NICN1: variants seen among roughly 807,000 people sequenced by gnomAD.
NICN1 encodes nicolin 1, tubulin polyglutamylase complex subunit.
Under a neutral mutation model 26.3 loss-of-function variants are expected in NICN1, and 18 were observed. The observed-to-expected ratio is 0.68, with a 90% CI of 0.47 to 1.01. The LOEUF (loss-of-function observed/expected upper bound fraction) is 1.01. Ranked by LOEUF, NICN1 falls within the 50% of genes least tolerant of loss-of-function variation. The probability of loss-of-function intolerance (pLI) is 0.00; values close to 1 mark genes in which losing one functional copy is unlikely to be tolerated. For missense variants in NICN1, 239 were observed against 278.3 expected (o/e 0.86, Z 1.00); for synonymous variants, 109 against 111.0 (o/e 0.98, Z 0.11).
chr3:49,425,265 G>T, intron 4 of NICN1, 102 bp downstream of exon 4: 2 of 1,022,018 alleles, frequency 2.0e-6, no homozygotes, highest in Non-Finnish European at 3.0e-6. Context: ...ACACCCAAGG[G>T]CCCTGGGCCC....
chr3:49,427,512 G>A (rs1276491694), intron 1 of NICN1, among the ~76,000 whole-genome samples: 1 of 150,752 alleles, frequency 6.6e-6, no homozygotes, highest in Admixed American at 6.6e-5. Flanking sequence ...GCGTGGTGGC[G>A]CATGCCTGTA....
intron 4 of NICN1, 138 bp from the exon 5 acceptor site, chr3:49,425,191 A>G (rs1374397778): frequency 4.8e-6 from 4 of 825,156 alleles, no homozygotes; most frequent in East Asian, 5.3e-5. Flanking sequence ...ACATGAGGTT[A>G]GGGCCTGATG....
chr3:49,426,523 C>T (rs914564950), intron 1 of NICN1, 95 bp from the exon 2 acceptor site: 62 of 895,732 alleles, frequency 6.9e-5, no homozygotes, highest in Non-Finnish European at 1.0e-4. Context: ...CTTCTCCCCA[C>T]CTTTTCTTTT....
intron 1 of NICN1, among the ~76,000 whole-genome samples, chr3:49,427,575 G>A (rs1419604912): frequency 4.0e-5 from 6 of 150,698 alleles, no homozygotes; most frequent in Non-Finnish European, 7.4e-5. Flanking sequence ...CCCAGGAGGT[G>A]GAGGTTGCAG....
intron 1 of NICN1, among the ~76,000 whole-genome samples, chr3:49,428,595 C>T (rs574965117): frequency 6.6e-6 from 1 of 151,840 alleles, no homozygotes; most frequent in African/African-American, 2.4e-5. Flanking sequence ...GTGGTGCATG[C>T]CTGTAATCCC....
chr3:49,424,732 G>T lies in NICN1; in HGVS notation c.*101C>A, dbSNP rs2049156463. ...TGGCCCAGACAGAACAGGCATGCAG[G>T]CAACACTTGGAATGCACAGGAAATA... On this transcript the variant is annotated 3_prime_UTR_variant, in exon 6 of 6. Coordinates refer to ENST00000273598, the MANE Select transcript of NICN1 (RefSeq NM_032316.3). The T allele has an allele frequency of 7.4e-6, 7 of 944,520 alleles. No individual in the cohort carries two copies. The highest frequency in any genetic ancestry group is 1.2e-5 in the Non-Finnish European group (7 of 572,628). The allele number at this position is 944,520 out of a possible 1,614,324, so 58.5% of individuals were successfully genotyped here. A position where few individuals can be genotyped will look rare whatever the true frequency, so the allele number is the denominator to read the frequency against.
intron 1 of NICN1, among the ~76,000 whole-genome samples, chr3:49,428,679 C>T (rs1412334507): frequency 6.6e-6 from 1 of 150,888 alleles, no homozygotes; most frequent in Non-Finnish European, 1.5e-5. Flanking sequence ...CGAGATCGTG[C>T]CATTGCACTC....
At position 49,425,350 on chromosome 3, in the gene NICN1, C is replaced by T. The variant is rs1164770826; in HGVS notation, c.495+17G>A. The T allele has an allele frequency of 3.7e-6, 6 of 1,605,428 alleles. No homozygotes were observed. In the African/African-American group the frequency reaches 8.0e-5, roughly 21 times the overall value. ...AGAGCCATTCACACATGGTTCTTACCTAGGGTGAGGGCTTACCTCACGGAG... is the reference window on the plus strand; with the variant it reads ...AGAGCCATTCACACATGGTTCTTACTTAGGGTGAGGGCTTACCTCACGGAG... On this transcript the variant is annotated intron_variant, in intron 4 of 5. Coordinates refer to ENST00000273598, the MANE Select transcript of NICN1 (RefSeq NM_032316.3).
intron 1 of NICN1, among the ~76,000 whole-genome samples, chr3:49,428,720 CAA>C (rs1186104146): frequency 4.5e-4 from 27 of 60,548 alleles, no homozygotes; most frequent in Admixed American, 5.7e-4. Flanking sequence ...AACTCCGTCT[CAA>C]AAAAAAAAAA....
chr3:49,425,231 C>T (rs1278622317), intron 4 of NICN1, 136 bp downstream of exon 4: 5 of 853,848 alleles, frequency 5.9e-6, no homozygotes, highest in Non-Finnish European at 9.7e-6. Flanking sequence ...CCTCAAATCC[C>T]ACAGAATACC....
intron 1 of NICN1, 124 bp downstream of exon 1, chr3:49,428,984 T>TA (rs2049196615): frequency 4.6e-6 from 4 of 871,112 alleles, no homozygotes; most frequent in Non-Finnish European, 6.9e-6. Context: ...AATGATTAAC[T>TA]AATTTGCAAG....
At chr3:49,428,595 C>A (rs574965117) in intron 1 of NICN1, among the ~76,000 whole-genome samples, 1 of 151,958 alleles carries the variant, frequency 6.6e-6, no homozygotes, top group African/African-American at 2.4e-5. Flanking sequence ...GTGGTGCATG[C>A]CTGTAATCCC....
chr3:49,424,648 G>T lies in NICN1; in HGVS notation c.*185C>A. The T allele has an allele frequency of 1.6e-6, 1 of 630,522 alleles. No individual in the cohort carries two copies. 39.1% of individuals were successfully genotyped at this position (630,522 alleles called of 1,614,324 possible). On this transcript the variant is annotated 3_prime_UTR_variant, in exon 6 of 6. Transcript: ENST00000273598. ...CCAGGCGAAGACAGAGCACCCCCATGCCAGGAGCTCATGCTGAAGTAACAC... is the reference window on the plus strand; with the variant it reads ...CCAGGCGAAGACAGAGCACCCCCATTCCAGGAGCTCATGCTGAAGTAACAC...
chr3:49,429,268 C>G lies in NICN1; in HGVS notation c.-29G>C. Reference sequence around the variant, plus strand: ...GACAGCAGCCGCAACTAAGTGCAACCGCCGCTCTAGGCCCCCGACCACCAG... The same window carrying G: ...GACAGCAGCCGCAACTAAGTGCAACGGCCGCTCTAGGCCCCCGACCACCAG... On this transcript the variant is annotated 5_prime_UTR_variant, in exon 1 of 6. Coordinates refer to ENST00000273598, the MANE Select transcript of NICN1 (RefSeq NM_032316.3). 2 of 1,573,734 alleles carry G rather than the reference C, an allele frequency of 1.3e-6. No individual in the cohort carries two copies. Among genetic ancestry groups the G allele is most frequent in the Non-Finnish European group, 1.7e-6 (2 of 1,157,338 alleles).
rs1456019047 is a variant in NICN1 at position 49,422,474 on chromosome 3, G to A, written c.*2359C>T. On this transcript the variant is annotated 3_prime_UTR_variant, in exon 6 of 6. Coordinates refer to ENST00000273598, the MANE Select transcript of NICN1 (RefSeq NM_032316.3). ...ATCGTCGCCTGCAACGAGTGCAGACGGCGCACAGAGGCCACCACACTGCCA... is the reference window on the plus strand; with the variant it reads ...ATCGTCGCCTGCAACGAGTGCAGACAGCGCACAGAGGCCACCACACTGCCA... 3.7e-6 allele frequency: 6 copies of A among 1,607,788 alleles called. No individual in the cohort carries two copies. Among genetic ancestry groups the A allele is most frequent in the East Asian group, 2.2e-5 (1 of 44,766 alleles).
intron 1 of NICN1, 116 bp from the exon 2 acceptor site, chr3:49,426,544 T>TG: frequency 1.3e-6 from 1 of 789,004 alleles, no homozygotes; most frequent in Non-Finnish European, 2.0e-6. Flanking sequence ...TTTTTTTTTT[T>TG]TGAGAGGAAA....
At position 49,429,089 on chromosome 3, in the gene NICN1, G is replaced by A. The variant is rs896735323; in HGVS notation, c.132+19C>T. 66 of 1,565,532 alleles carry A rather than the reference G, an allele frequency of 4.2e-5. No individual in the cohort carries two copies. The East Asian group carries it at 1.6e-3, about 38-fold the overall frequency. ...GGCCCCGCCCGGGAGCCTCGGTCGC[G>A]CCCACCAGGCTTGCTCACCTCGAAG... On this transcript the variant is annotated intron_variant, in intron 1 of 5. Coordinates refer to ENST00000273598, the MANE Select transcript of NICN1 (RefSeq NM_032316.3).
In NICN1 at chr3:49,429,285, G is replaced by A. The variant is rs1210091802; in HGVS notation, c.-46C>T. On this transcript the variant is annotated 5_prime_UTR_variant, in exon 1 of 6. Transcript: ENST00000273598. ...AGTGCAACCGCCGCTCTAGGCCCCCGACCACCAGCCCTTCCCGGCATCCTC... is the reference window on the plus strand; with the variant it reads ...AGTGCAACCGCCGCTCTAGGCCCCCAACCACCAGCCCTTCCCGGCATCCTC... 4 of 1,545,254 alleles carry A rather than the reference G, an allele frequency of 2.6e-6. No homozygotes were observed. Among genetic ancestry groups the A allele is most frequent in the East Asian group, 2.5e-5 (1 of 39,766 alleles).
Position 49,429,262 on chromosome 3 carries a change from T to C in NICN1, c.-23A>G, listed in dbSNP as rs755183254. On this transcript the variant is annotated 5_prime_UTR_variant, in exon 1 of 6. Transcript: ENST00000273598. ...CATGGTGACAGCAGCCGCAACTAAG[T>C]GCAACCGCCGCTCTAGGCCCCCGAC... 3.8e-6 allele frequency: 6 copies of C among 1,571,852 alleles called. No homozygotes were observed. The highest frequency in any genetic ancestry group is 5.2e-6 in the Non-Finnish European group (6 of 1,155,902).
Sources: allele counts gnomAD v4.1 joint callset (sites outside exome capture counted in the v4.1 genomes callset), GRCh38; gene constraint gnomAD v4.1.1; transcripts MANE v1.5; gene names NCBI Gene and HGNC (gene_info 2026-07-23, HGNC 2026-07-21).